KIDINS220: variants seen among roughly 807,000 people sequenced by gnomAD.
KIDINS220 encodes the protein kinase D interacting substrate 220.
KIDINS220 carries 63 observed loss-of-function variants against 157.6 expected under a neutral mutation model. The observed-to-expected ratio is 0.40, with a 90% CI of 0.33 to 0.49. The LOEUF (loss-of-function observed/expected upper bound fraction) is 0.49, where lower values mean the gene tolerates loss of function less well. Among genes scored for constraint, KIDINS220 ranks in the 20% least tolerant of loss-of-function variants. The pLI is 0.66. For synonymous variants in KIDINS220, 732 were observed against 783.6 expected (o/e 0.93, Z 1.10); for missense variants, 1,772 against 2,171.2 (o/e 0.82, Z 3.65).
At position 8,733,565 on chromosome 2, in the gene KIDINS220, T is replaced by C. The variant is rs367743805; in HGVS notation, c.3932A>G (p.Asn1311Ser). 1.5e-5 allele frequency: 25 copies of C among 1,614,006 alleles called. No individual in the cohort carries two copies. Among genetic ancestry groups the C allele is most frequent in the Non-Finnish European group, 1.9e-5 (22 of 1,180,024 alleles). ...HGEPARRASH[N>S]ELPHTELSSQ... ...GGAGAGCTCGGTGTGAGGCAGCTCG[T>C]TGTGGGAAGCGCGGCGAGCAGGCTC... Residue 1311 changes from asparagine to serine, a missense_variant, in exon 29 of 30, where the codon AAC (asparagine) becomes AGC (serine). Asn to Ser is a conservative substitution (Grantham distance 46). Around this residue, in one of 3 missense-constraint regions of KIDINS220, gnomAD observed 793 missense variants for 885.5 expected, o/e 0.90. Transcript: ENST00000256707.
chr2:8,797,776 GCTAGT>G (rs1262815852), intron 10 of KIDINS220, among the ~76,000 whole-genome samples: 1 of 152,152 alleles, frequency 6.6e-6, no homozygotes, highest in African/African-American at 2.4e-5. Context: ...GTTGAAAGTA[GCTAGT>G]CTGGGGAACC....
Position 8,818,799 on chromosome 2 carries a change from G to C in KIDINS220, c.109-6C>G. ...ATCAGTGGAGTCTGGCCACACTAGA[G>C]AATATAAAAGACAAAGGGAACTTAT... is the stretch of plus-strand genomic sequence containing the variant. On this transcript the variant is annotated splice_polypyrimidine_tract_variant and splice_region_variant and intron_variant, in intron 2 of 29. Coordinates refer to ENST00000256707, the MANE Select transcript of KIDINS220 (RefSeq NM_020738.4). 6.5e-7 allele frequency: 1 copy of C among 1,537,132 alleles called. No homozygotes were observed. Among genetic ancestry groups the C allele is most frequent in the Non-Finnish European group, 8.9e-7 (1 of 1,124,532 alleles).
intron 24 of KIDINS220, among the ~76,000 whole-genome samples, chr2:8,748,882 T>C (rs1241614230): frequency 6.6e-6 from 1 of 152,174 alleles, no homozygotes; most frequent in South Asian, 2.1e-4. Context: ...TTAGTGAACA[T>C]AGTATTTCAG....
chr2:8,828,025 C>T (rs1467108154), intron 1 of KIDINS220, among the ~76,000 whole-genome samples: 1 of 152,092 alleles, frequency 6.6e-6, no homozygotes, highest in East Asian at 1.9e-4. Context: ...AGAGCATGGC[C>T]TCTTTTATTC....
chr2:8,816,543 CT>C (rs1388109978), intron 4 of KIDINS220, among the ~76,000 whole-genome samples: 2 of 152,230 alleles, frequency 1.3e-5, no homozygotes, highest in African/African-American at 4.8e-5. Flanking sequence ...TATTCCACCC[CT>C]GGCCTCTCTA....
chr2:8,773,062 T>C (rs1237810713), intron 21 of KIDINS220, among the ~76,000 whole-genome samples: 1 of 152,226 alleles, frequency 6.6e-6, no homozygotes, highest in African/African-American at 2.4e-5. Context: ...CACACAGATT[T>C]AAACCTGTAA....
intron 26 of KIDINS220, among the ~76,000 whole-genome samples, chr2:8,745,993 CTTT>C (rs530252729): frequency 7.2e-6 from 1 of 139,758 alleles, no homozygotes; most frequent in Non-Finnish European, 1.6e-5. Flanking sequence ...AAACTGGGTT[CTTT>C]TTTTTTTTTT....
At chr2:8,753,554 T>C (rs1430344768) in intron 22 of KIDINS220, among the ~76,000 whole-genome samples, 2 of 152,222 alleles carry the variant, frequency 1.3e-5, no homozygotes, top group Non-Finnish European at 2.9e-5. Context: ...TTATTGTATG[T>C]CAATTACACC....
rs534831547 is a variant in KIDINS220, at chr2:8,728,902, T to C, written c.*1818A>G. The C allele has an allele frequency of 3.4e-4, 339 of 983,228 alleles. No individual in the cohort carries two copies. The highest frequency in any genetic ancestry group is 3.8e-4 in the Non-Finnish European group (317 of 827,652). 60.9% of individuals were successfully genotyped at this position (983,228 alleles called of 1,614,324 possible). Reference sequence around the variant, plus strand: ...TTTTTAATCAAAATGTGAATCATCATAGTGAATAAAAATTCATGAGTCAGA... The same window carrying C: ...TTTTTAATCAAAATGTGAATCATCACAGTGAATAAAAATTCATGAGTCAGA... On this transcript the variant is annotated 3_prime_UTR_variant, in exon 30 of 30. Transcript: ENST00000256707.
Position 8,788,660 on chromosome 2 carries a change from C to G in KIDINS220, c.1774G>C (p.Ala592Pro), listed in dbSNP as rs1189436879. ...PPELPEQTTK[A>P]LPVRFLFTDY... is the part of the protein sequence containing the mutation. ...GGTACAACTCACCTCACAGGTAAAG[C>G]TTTAGTAGTCTGCTCTGGCAACTCA... Residue 592 changes from alanine to proline, a missense_variant, in exon 15 of 30, where the codon GCT (alanine) becomes CCT (proline). By Grantham distance (27) the Ala-to-Pro change is conservative. Around this residue, in one of 3 missense-constraint regions of KIDINS220, gnomAD observed 725 missense variants for 1,017.1 expected, o/e 0.71. Transcript: ENST00000256707. 1 of 1,613,774 alleles carries G rather than the reference C, an allele frequency of 6.2e-7. No homozygotes were observed. Among genetic ancestry groups the G allele is most frequent in the Non-Finnish European group, 8.5e-7 (1 of 1,179,854 alleles).
Position 8,751,626 on chromosome 2 carries a change from T to G in KIDINS220, c.3030A>C (p.Pro1010=), listed in dbSNP as rs747076366. ...TIYERISKNI[P]TTKDVEPLLE... is the part of the protein sequence containing the mutation. ...GAAGTGGCTCAACATCCTTAGTTGTTGGAATATTCTTTGATATTCTTCAAA... is the reference window on the plus strand; with the variant it reads ...GAAGTGGCTCAACATCCTTAGTTGTGGGAATATTCTTTGATATTCTTCAAA... Residue 1010 remains proline, a synonymous_variant, in exon 23 of 30, where the codon CCA becomes CCC. Coordinates refer to ENST00000256707, the MANE Select transcript of KIDINS220 (RefSeq NM_020738.4). The G allele has an allele frequency of 6.3e-7, 1 of 1,594,798 alleles. No homozygotes were observed. The highest frequency in any genetic ancestry group is 8.6e-7 in the Non-Finnish European group (1 of 1,169,178).
At chr2:8,750,376 G>A in intron 23 of KIDINS220, 41 bp from the exon 24 acceptor site, 6 of 1,376,528 alleles carry the variant, frequency 4.4e-6, no homozygotes, top group Non-Finnish European at 5.8e-6. Context: ...AGAGAAAACA[G>A]GACATTAGGA....
chr2:8,813,107 T>C (rs1676556668), intron 5 of KIDINS220, 130 bp downstream of exon 5: 1 of 561,846 alleles, frequency 1.8e-6, no homozygotes, highest in African/African-American at 1.9e-5. Flanking sequence ...TTTGAAATCA[T>C]ATTCTATGTT....
intron 2 of KIDINS220, 36 bp downstream of exon 2, chr2:8,826,950 T>C: frequency 8.4e-7 from 1 of 1,195,124 alleles, no homozygotes. Context: ...CAACAAATAT[T>C]TGTGAAAGAA....
chr2:8,778,344 G>A (rs950383321), intron 20 of KIDINS220, among the ~76,000 whole-genome samples: 2 of 152,168 alleles, frequency 1.3e-5, no homozygotes, highest in African/African-American at 4.8e-5. Flanking sequence ...GACCAGGAAT[G>A]AATAGAGTGG....
intron 1 of KIDINS220, among the ~76,000 whole-genome samples, chr2:8,828,826 G>A (rs1679200410): frequency 6.6e-6 from 1 of 152,158 alleles, no homozygotes; most frequent in Non-Finnish European, 1.5e-5. Context: ...GATATCCCAT[G>A]CCCATTCCCT....
chr2:8,762,007 G>T lies in KIDINS220; in HGVS notation c.3011+8663C>A, dbSNP rs146335112. 3.7e-3 allele frequency among the ~76,000 whole-genome samples: 556 copies of T among 152,038 alleles called. 3 individuals carry two copies. The highest frequency in any genetic ancestry group is 0.013 in the African/African-American group (526 of 41,468). ...CTGTCAAGGCATATGTAATTTTTTT[G>T]GTAAATTGAATTCTTTAATAATCAG... is the stretch of plus-strand genomic sequence containing the variant. On this transcript the variant is annotated intron_variant, in intron 22 of 29. Transcript: ENST00000256707.
chr2:8,819,221 A>T (rs1677540744), intron 2 of KIDINS220, among the ~76,000 whole-genome samples: 1 of 152,224 alleles, frequency 6.6e-6, no homozygotes, highest in Non-Finnish European at 1.5e-5. Context: ...GAAGAAAAGT[A>T]AAATAATAAA....
In KIDINS220 at chr2:8,758,051, C is replaced by T. The variant is rs550486194; in HGVS notation, c.3012-6407G>A. On this transcript the variant is annotated intron_variant, in intron 22 of 29. Transcript: ENST00000256707. Reference sequence around the variant, plus strand: ...CTAATTTTTGTATTTTTAGTAGAGACGAGGTTTCACCATGCTGGCCAGGCT... The same window carrying T: ...CTAATTTTTGTATTTTTAGTAGAGATGAGGTTTCACCATGCTGGCCAGGCT... 4.6e-5 allele frequency among the ~76,000 whole-genome samples: 7 copies of T among 152,174 alleles called. No homozygotes were observed. In the South Asian group the frequency reaches 1.0e-3, roughly 23 times the overall value.
Sources: gnomAD v4.1 joint callset for allele counts (sites outside exome capture counted in the v4.1 genomes callset) on GRCh38, gnomAD v4.1.1 for gene constraint, gnomAD v4.1.1 regional missense constraint, MANE v1.5 for transcripts, NCBI Gene and HGNC (gene_info 2026-07-23, HGNC 2026-07-21) for gene names.